AMPH: variants seen among roughly 807,000 people sequenced by gnomAD.
The protein encoded by AMPH is amphiphysin, also known as amphiphysin (Stiff-Mann syndrome with breast cancer 128kD autoantigen).
AMPH carries 49 observed loss-of-function variants against 99.1 expected under a neutral mutation model. That is an observed-to-expected ratio of 0.49 (90% confidence interval 0.39 to 0.63). The LOEUF (loss-of-function observed/expected upper bound fraction) is 0.63. AMPH is among the 20% of genes least tolerant of loss of function. The pLI, the probability that AMPH is intolerant of heterozygous loss-of-function variation, is 0.00. For missense variants in AMPH, 759 were observed against 863.4 expected (o/e 0.88, Z 1.52); for synonymous variants, 314 against 317.3 (o/e 0.99, Z 0.11).
chr7:38,545,946 A>G (rs1790981328), intron 1 of AMPH, among the ~76,000 whole-genome samples: 1 of 152,260 alleles, frequency 6.6e-6, no homozygotes, highest in African/African-American at 2.4e-5. Context: ...GCAGGTTTGA[A>G]TGGAAGTTAA....
intron 2 of AMPH, among the ~76,000 whole-genome samples, chr7:38,517,889 T>C (rs746780755): frequency 6.6e-6 from 1 of 152,156 alleles, no homozygotes; most frequent in Non-Finnish European, 1.5e-5. Context: ...ATCAAGACAA[T>C]GAAAGACCCC....
At chr7:38,563,085 A>AT (rs1189665635) in intron 1 of AMPH, among the ~76,000 whole-genome samples, 6 of 152,208 alleles carry the variant, frequency 3.9e-5, no homozygotes, top group Non-Finnish European at 7.3e-5. Flanking sequence ...TTAGAAAGAG[A>AT]TTTTTCAGGC....
At position 38,570,696 on chromosome 7, in the gene AMPH, C is replaced by A. The variant is rs12535947; in HGVS notation, c.70-35685G>T. ...TACTTCTTATCATTAGGGTGAATTCCCATCGATTAAAAAAAAATAACTGTA... is the reference window on the plus strand; with the variant it reads ...TACTTCTTATCATTAGGGTGAATTCACATCGATTAAAAAAAAATAACTGTA... On this transcript the variant is annotated intron_variant, in intron 1 of 20. Coordinates refer to ENST00000356264, the MANE Select transcript of AMPH (RefSeq NM_001635.4). 3.7e-5 allele frequency among the ~76,000 whole-genome samples: 5 copies of A among 136,532 alleles called. No individual in the cohort carries two copies. The Admixed American group carries it at 3.7e-4, about 10-fold the overall frequency. The allele number at this position is 136,532 out of a possible 152,430, so 89.6% of individuals were successfully genotyped here.
At chr7:38,570,713 A>T (rs1359239026) in intron 1 of AMPH, among the ~76,000 whole-genome samples, 1 of 150,168 alleles carries the variant, frequency 6.7e-6, no homozygotes, top group South Asian at 2.1e-4. Flanking sequence ...TTAAAAAAAA[A>T]TAACTGTAAG....
At chr7:38,591,611 C>T (rs1266120707) in intron 1 of AMPH, among the ~76,000 whole-genome samples, 1 of 152,100 alleles carries the variant, frequency 6.6e-6, no homozygotes, top group Non-Finnish European at 1.5e-5. Context: ...TCTATAAACT[C>T]GGCTCTCATA....
intron 1 of AMPH, among the ~76,000 whole-genome samples, chr7:38,617,477 G>A (rs1243489245): frequency 2.6e-5 from 4 of 152,220 alleles, no homozygotes; most frequent in Admixed American, 2.6e-4. Flanking sequence ...AGTGGCAGAA[G>A]GCGTGCACCA....
intron 2 of AMPH, among the ~76,000 whole-genome samples, chr7:38,505,298 C>T (rs1005344605): frequency 4.6e-5 from 7 of 152,072 alleles, no homozygotes; most frequent in Non-Finnish European, 1.0e-4. Context: ...GGCATTATTT[C>T]CTTGAAATCT....
intron 17 of AMPH, among the ~76,000 whole-genome samples, chr7:38,406,421 A>G (rs1037577985): frequency 6.6e-6 from 1 of 152,198 alleles, no homozygotes; most frequent in Admixed American, 6.5e-5. Context: ...AGGATCAACA[A>G]AACAGAAAGC....
At chr7:38,517,974 G>C (rs745809921) in intron 2 of AMPH, among the ~76,000 whole-genome samples, 1 of 152,132 alleles carries the variant, frequency 6.6e-6, no homozygotes, top group African/African-American at 2.4e-5. Context: ...GAACAGTTTT[G>C]GGAGATAGGC....
At chr7:38,492,017 G>T (rs939783213) in intron 4 of AMPH, among the ~76,000 whole-genome samples, 8 of 152,186 alleles carry the variant, frequency 5.3e-5, no homozygotes, top group Non-Finnish European at 1.2e-4. Flanking sequence ...GCAAATAGCA[G>T]GTACTCAAGA....
intron 1 of AMPH, among the ~76,000 whole-genome samples, chr7:38,542,584 G>A (rs555337176): frequency 2.6e-5 from 4 of 152,244 alleles, no homozygotes; most frequent in South Asian, 2.1e-4. Context: ...TGGGAAATTC[G>A]CCACAGAACG....
chr7:38,421,340 G>T (rs112223534), intron 16 of AMPH, among the ~76,000 whole-genome samples: 17 of 152,148 alleles, frequency 1.1e-4, no homozygotes, highest in African/African-American at 4.1e-4. Flanking sequence ...TAAAAATTCC[G>T]TTCTCCATCT....
intron 1 of AMPH, among the ~76,000 whole-genome samples, chr7:38,627,990 T>A (rs1175490430): frequency 6.6e-6 from 1 of 152,068 alleles, no homozygotes; most frequent in Non-Finnish European, 1.5e-5. Context: ...TAAGCAGATA[T>A]ACATAAAACA....
At chr7:38,599,560 T>C (rs1480398882) in intron 1 of AMPH, among the ~76,000 whole-genome samples, 1 of 152,220 alleles carries the variant, frequency 6.6e-6, no homozygotes, top group East Asian at 1.9e-4. Context: ...CAGTAGGCTA[T>C]TAGTAATTAA....
At chr7:38,571,388 A>G (rs1792017248) in intron 1 of AMPH, among the ~76,000 whole-genome samples, 1 of 76,862 alleles carries the variant, frequency 1.3e-5, no homozygotes, top group South Asian at 3.8e-4. Flanking sequence ...ATATATTTAT[A>G]TATATTCTAT....
chr7:38,489,045 TGAA>T (rs1237400039), intron 5 of AMPH, among the ~76,000 whole-genome samples: 3 of 152,156 alleles, frequency 2.0e-5, no homozygotes, highest in Admixed American at 6.6e-5. Context: ...AAAACAACTT[TGAA>T]GAAGAAGGAT....
intron 1 of AMPH, among the ~76,000 whole-genome samples, chr7:38,584,287 T>C (rs1011339095): frequency 1.3e-5 from 2 of 152,178 alleles, no homozygotes; most frequent in Non-Finnish European, 2.9e-5. Flanking sequence ...CAGATGCATC[T>C]TATACATTTC....
At chr7:38,468,346 T>C (rs867890581) in intron 7 of AMPH, among the ~76,000 whole-genome samples, 2 of 152,226 alleles carry the variant, frequency 1.3e-5, no homozygotes, top group Non-Finnish European at 2.9e-5. Context: ...AGTATTGTTT[T>C]TCTTATCAAT....
chr7:38,484,830 T>G (rs1254032831), intron 5 of AMPH, among the ~76,000 whole-genome samples: 1 of 151,932 alleles, frequency 6.6e-6, no homozygotes, highest in Non-Finnish European at 1.5e-5. Flanking sequence ...ATGCAAATTT[T>G]GACAATATAA....
Sources: gnomAD v4.1 joint callset for allele counts (sites outside exome capture counted in the v4.1 genomes callset) on GRCh38, gnomAD v4.1.1 for gene constraint, MANE v1.5 for transcripts, NCBI Gene and HGNC (gene_info 2026-07-23, HGNC 2026-07-21) for gene names.